The following SLC35F1 variants were observed in gnomAD, a reference collection of about 807,000 sequenced individuals.
SLC35F1 encodes chromosome 6 open reading frame 169.
A neutral mutation model predicts 48.7 loss-of-function variants in SLC35F1; 14 were observed. That is an observed-to-expected ratio of 0.29 (90% CI 0.19 to 0.45). SLC35F1 has a LOEUF of 0.45. SLC35F1 is among the 20% of genes least tolerant of loss of function. The pLI, the probability that SLC35F1 is intolerant of heterozygous loss-of-function variation, is 1.00. For missense variants in SLC35F1, 404 were observed against 500.0 expected (o/e 0.81, Z 1.83); for synonymous variants, 190 against 202.2 (o/e 0.94, Z 0.51).
chr6:118,311,663 C>G (rs554203846), intron 7 of SLC35F1, among the ~76,000 whole-genome samples: 1 of 152,054 alleles, frequency 6.6e-6, no homozygotes, highest in Non-Finnish European at 1.5e-5. Flanking sequence ...TGGTGGCAGG[C>G]GCCTGTAGTT....
At chr6:118,291,266 C>G (rs1199417195) in intron 7 of SLC35F1, among the ~76,000 whole-genome samples, 16 of 151,630 alleles carry the variant, frequency 1.1e-4, no homozygotes, top group Non-Finnish European at 1.2e-4. Flanking sequence ...CACACACACA[C>G]ACACACACAC....
At chr6:117,977,204 T>G (rs1776716597) in intron 1 of SLC35F1, among the ~76,000 whole-genome samples, 1 of 150,826 alleles carries the variant, frequency 6.6e-6, no homozygotes, top group Non-Finnish European at 1.5e-5. Context: ...TTTCTTTCTT[T>G]TTTTTTTTTT....
intron 1 of SLC35F1, chr6:117,999,443 G>A: frequency 6.3e-7 from 1 of 1,583,566 alleles, no homozygotes; most frequent in Non-Finnish European, 8.5e-7. Flanking sequence ...AAAGGCTTCA[G>A]AGTAGATATC....
intron 1 of SLC35F1, among the ~76,000 whole-genome samples, chr6:118,115,711 G>A (rs1773468137): frequency 1.3e-5 from 2 of 152,100 alleles, no homozygotes; most frequent in Non-Finnish European, 2.9e-5. Flanking sequence ...CATAACTCTG[G>A]TAGCTTAATA....
chr6:118,007,693 A>G (rs2114873499), intron 1 of SLC35F1, among the ~76,000 whole-genome samples: 1 of 152,294 alleles, frequency 6.6e-6, no homozygotes, highest in Non-Finnish European at 1.5e-5. Flanking sequence ...ATTTGAAACA[A>G]ACACCCATTT....
intron 6 of SLC35F1, among the ~76,000 whole-genome samples, chr6:118,278,525 C>T (rs1025508414): frequency 6.6e-6 from 1 of 152,222 alleles, no homozygotes; most frequent in African/African-American, 2.4e-5. Context: ...TCTGAAGGCA[C>T]ATTGTGAGCC....
intron 7 of SLC35F1, among the ~76,000 whole-genome samples, chr6:118,291,690 A>G (rs1776125035): frequency 6.6e-6 from 1 of 152,216 alleles, no homozygotes; most frequent in South Asian, 2.1e-4. Context: ...GCTGCAAGTA[A>G]TAACTGCTAA....
chr6:118,293,048 T>C (rs1397451408), intron 7 of SLC35F1, among the ~76,000 whole-genome samples: 2 of 152,152 alleles, frequency 1.3e-5, no homozygotes, highest in African/African-American at 4.8e-5. Context: ...GAGACTGACA[T>C]GGAGGCTTTT....
chr6:118,093,527 T>C (rs147488324), intron 1 of SLC35F1, among the ~76,000 whole-genome samples: 80 of 152,296 alleles, frequency 5.3e-4, no homozygotes, highest in Non-Finnish European at 9.7e-4. Context: ...AATGAGATCA[T>C]TGGTTTTATA....
intron 1 of SLC35F1, among the ~76,000 whole-genome samples, chr6:118,009,026 C>T (rs1020951021): frequency 3.3e-5 from 5 of 152,194 alleles, no homozygotes; most frequent in South Asian, 2.1e-4. Flanking sequence ...TGTTGATACT[C>T]GTGTACTGTC....
intron 1 of SLC35F1, among the ~76,000 whole-genome samples, chr6:118,060,848 A>G (rs907610745): frequency 2.0e-5 from 3 of 152,202 alleles, no homozygotes; most frequent in Non-Finnish European, 4.4e-5. Flanking sequence ...TGAGGCTCAG[A>G]CAAATTAAAT....
intron 1 of SLC35F1, among the ~76,000 whole-genome samples, chr6:118,132,308 G>C (rs1415695387): frequency 3.3e-5 from 5 of 152,208 alleles, no homozygotes; most frequent in African/African-American, 1.2e-4. Flanking sequence ...GCAGTGCAAT[G>C]CATGTTTGGC....
intron 1 of SLC35F1, among the ~76,000 whole-genome samples, chr6:118,078,473 C>A (rs1562283229): frequency 6.6e-6 from 1 of 152,004 alleles, no homozygotes; most frequent in South Asian, 2.1e-4. Context: ...TGACTGAGGG[C>A]CAAAAGGCTT....
chr6:118,041,485 G>T (rs1772218992), intron 1 of SLC35F1, among the ~76,000 whole-genome samples: 1 of 152,048 alleles, frequency 6.6e-6, no homozygotes, highest in Non-Finnish European at 1.5e-5. Context: ...GCCTACTATT[G>T]TGCCAGACAG....
In SLC35F1 at chr6:117,999,563, G is replaced by A. The variant is rs1777057422; in HGVS notation, c.173+91664G>A. On this transcript the variant is annotated intron_variant, in intron 1 of 7. Transcript: ENST00000360388. ...GTGCTATTTGTACAAATAAACCTGA[G>A]GCAGGAAAAAAAAAAAAAAGAAATA... 20 of 513,638 alleles carry A rather than the reference G, an allele frequency of 3.9e-5. No individual in the cohort carries two copies. The East Asian group carries it at 5.1e-4, about 13-fold the overall frequency. 31.8% of individuals were successfully genotyped at this position (513,638 alleles called of 1,614,324 possible).
chr6:118,117,018 T>C (rs905321162), intron 1 of SLC35F1, among the ~76,000 whole-genome samples: 2 of 152,182 alleles, frequency 1.3e-5, no homozygotes, highest in Admixed American at 1.3e-4. Flanking sequence ...TTCATATAGT[T>C]GTAGATTTGA....
rs568113905 is a variant in SLC35F1 at position 117,964,416 on chromosome 6, C to G, written c.173+56517C>G. 2.6e-5 allele frequency among the ~76,000 whole-genome samples: 4 copies of G among 152,336 alleles called. No individual in the cohort carries two copies. In the South Asian group the frequency reaches 8.3e-4, roughly 32 times the overall value. ...CTCTAGTGCAGACTCCACTAGTGAC[C>G]TAAGTAGCTTGGAGGTGGGACCTAA... On this transcript the variant is annotated intron_variant, in intron 1 of 7. Coordinates refer to ENST00000360388, the MANE Select transcript of SLC35F1 (RefSeq NM_001029858.4).
rs561447718 is a variant in SLC35F1, at chr6:118,197,086, C to CT, written c.350-38422dup. 5.7e-3 allele frequency among the ~76,000 whole-genome samples: 857 copies of CT among 151,486 alleles called. 8 individuals carry two copies. The highest frequency in any genetic ancestry group is 7.1e-3 in the Non-Finnish European group (480 of 67,932). On this transcript the variant is annotated intron_variant, in intron 2 of 7. Coordinates refer to ENST00000360388, the MANE Select transcript of SLC35F1 (RefSeq NM_001029858.4). ...TAATTTGCCTATAGTAACCATTTCA[C>CT]TATGTATATCAAAACATCAAGTTTT... is the stretch of plus-strand genomic sequence containing the variant.
Position 118,309,895 on chromosome 6 carries a change from A to C in SLC35F1, c.1003-4133A>C, listed in dbSNP as rs1342854154. On this transcript the variant is annotated intron_variant, in intron 7 of 7. Transcript: ENST00000360388. ...TCCTCCAAGCCACCTCGTCCTGTAT[A>C]ATAGCTTGTGTCTCAGTCAGATTGT... Among the ~76,000 whole-genome samples the C allele has an allele frequency of 2.0e-5, 3 of 152,200 alleles. No homozygotes were observed. In the East Asian group the frequency reaches 5.8e-4, roughly 29 times the overall value.
Sources: allele counts gnomAD v4.1 joint callset (sites outside exome capture counted in the v4.1 genomes callset), GRCh38; gene constraint gnomAD v4.1.1; transcripts MANE v1.5; gene names NCBI Gene and HGNC (gene_info 2026-07-23, HGNC 2026-07-21).